Variants in WWOX observed in about 807,000 individuals in gnomAD.
WWOX encodes WW domain-containing oxidoreductase.
In WWOX, 69 loss-of-function variants were observed where a neutral mutation model predicts 46.2. That is an observed-to-expected ratio of 1.49 (90% confidence interval 1.23 to 1.82). The LOEUF is 1.82. Among genes scored for constraint, WWOX ranks in the 40% most tolerant of loss-of-function variants. WWOX has a pLI of 0.00. For synonymous variants in WWOX, 359 were observed against 202.6 expected, an observed-to-expected ratio of 1.77 and a Z score of -6.56; for missense variants, 919 against 542.6, an observed-to-expected ratio of 1.69 and a Z score of -6.89.
rs151317302 is a variant in WWOX at position 78,537,144 on chromosome 16, T to A, written c.1056+104392T>A. On this transcript the variant is annotated intron_variant, in intron 8 of 8. Coordinates refer to ENST00000566780, the MANE Select transcript of WWOX (RefSeq NM_016373.4). ...GTTGTCCAGGCTGGTCTTGAACACCTGACCTCAGGTGATCTGCCTGCCTCA... is the reference window on the plus strand; with the variant it reads ...GTTGTCCAGGCTGGTCTTGAACACCAGACCTCAGGTGATCTGCCTGCCTCA... Among the ~76,000 whole-genome samples the A allele has an allele frequency of 5.1e-3, 776 of 152,186 alleles. 4 individuals are homozygous for A. The highest frequency in any genetic ancestry group is 8.2e-3 in the Non-Finnish European group (561 of 68,002).
intron 8 of WWOX, among the ~76,000 whole-genome samples, chr16:78,540,847 C>G (rs559273828): frequency 1.7e-3 from 252 of 152,252 alleles, no homozygotes; most frequent in African/African-American, 5.7e-3. Flanking sequence ...CCATGCCAGG[C>G]TAATGTTTAA....
intron 5 of WWOX, among the ~76,000 whole-genome samples, chr16:78,301,792 G>C (rs1366160817): frequency 6.6e-6 from 1 of 152,036 alleles, no homozygotes; most frequent in Admixed American, 6.6e-5. Flanking sequence ...CAGACACACC[G>C]CCAGGCCTCA....
At position 78,826,072 on chromosome 16, in the gene WWOX, T is replaced by C. The variant is rs118079925; in HGVS notation, c.1057-385536T>C. 1,637 of 391,446 alleles carry C rather than the reference T, an allele frequency of 4.2e-3. 10 individuals are homozygous for C. The highest frequency in any genetic ancestry group is 6.0e-3 in the Non-Finnish European group (1,305 of 217,230). The allele number at this position is 391,446 out of a possible 1,614,324, so 24.2% of individuals were successfully genotyped here. Reference sequence around the variant, plus strand: ...CTTTGTAAAGACATTTAATAAAATATTGTACAAAGACAACCGGGAATGCCT... The same window carrying C: ...CTTTGTAAAGACATTTAATAAAATACTGTACAAAGACAACCGGGAATGCCT... On this transcript the variant is annotated intron_variant, in intron 8 of 8. Transcript: ENST00000566780.
At chr16:78,752,015 G>T (rs1049778539) in intron 8 of WWOX, among the ~76,000 whole-genome samples, 4 of 152,114 alleles carry the variant, frequency 2.6e-5, no homozygotes, top group African/African-American at 9.7e-5. Context: ...AAATAAGGAG[G>T]AGGATGAGGA....
intron 8 of WWOX, among the ~76,000 whole-genome samples, chr16:79,163,569 G>T (rs546806284): frequency 6.6e-6 from 1 of 152,192 alleles, no homozygotes; most frequent in South Asian, 2.1e-4. Context: ...GAGGCCGAAG[G>T]GGGTGGATCA....
chr16:78,191,815 C>T (rs546729854), intron 5 of WWOX, among the ~76,000 whole-genome samples: 5 of 152,264 alleles, frequency 3.3e-5, no homozygotes, highest in Non-Finnish European at 5.9e-5. Flanking sequence ...TAGAACAGTT[C>T]TCAGAATTTA....
rs886653809 is a variant in WWOX, at chr16:78,803,004, C to A, written c.1056+370252C>A. Among the ~76,000 whole-genome samples, 3 of 144,954 alleles carry A rather than the reference C, an allele frequency of 2.1e-5. 1 individual carries two copies. On this transcript the variant is annotated intron_variant, in intron 8 of 8. Coordinates refer to ENST00000566780, the MANE Select transcript of WWOX (RefSeq NM_016373.4). ...AGATGAAATGATTTTCATCACCAGG[C>A]CTGCCATGGAATTCATGGTGCCTTG...
At chr16:78,604,965 CTTCCTTTCT>C (rs1790159193) in intron 8 of WWOX, among the ~76,000 whole-genome samples, 1 of 54,096 alleles carries the variant, frequency 1.8e-5, no homozygotes, top group Admixed American at 2.1e-4. Flanking sequence ...CCTTTCTTTC[CTTCCTTTCT>C]TTCCTTCCTC....
At chr16:78,838,375 G>A (rs2052048331) in intron 8 of WWOX, among the ~76,000 whole-genome samples, 1 of 152,128 alleles carries the variant, frequency 6.6e-6, no homozygotes, top group East Asian at 1.9e-4. Flanking sequence ...TTGATTCTTA[G>A]AGAACTAAAG....
rs946644487 is a variant in WWOX at position 78,946,067 on chromosome 16, G to A, written c.1057-265541G>A. 1.4e-4 allele frequency among the ~76,000 whole-genome samples: 22 copies of A among 152,234 alleles called. No homozygotes were observed. In the East Asian group the frequency reaches 1.5e-3, roughly 11 times the overall value. On this transcript the variant is annotated intron_variant, in intron 8 of 8. Transcript: ENST00000566780. ...AAGCTGTGCTCTAGAAACATACCACGATCTACTGGACTTTCTTAAATAAGG... is the reference window on the plus strand; with the variant it reads ...AAGCTGTGCTCTAGAAACATACCACAATCTACTGGACTTTCTTAAATAAGG...
At chr16:78,142,246 T>G (rs1385501203) in intron 4 of WWOX, among the ~76,000 whole-genome samples, 2 of 152,166 alleles carry the variant, frequency 1.3e-5, no homozygotes, top group Non-Finnish European at 2.9e-5. Context: ...TTCAACAGCT[T>G]TTTAAAAAGC....
intron 8 of WWOX, among the ~76,000 whole-genome samples, chr16:79,076,690 C>T (rs937777718): frequency 3.3e-5 from 5 of 152,222 alleles, no homozygotes; most frequent in East Asian, 1.9e-4. Flanking sequence ...GATCGAACTT[C>T]GTCTTTAGCC....
intron 7 of WWOX, among the ~76,000 whole-genome samples, chr16:78,430,254 T>C (rs993441395): frequency 6.6e-6 from 1 of 152,166 alleles, no homozygotes; most frequent in African/African-American, 2.4e-5. Flanking sequence ...AGCACCCCCA[T>C]GATTCACTTA....
Position 79,211,588 on chromosome 16 carries a change from CTTTCTTCT to C in WWOX, c.1057-18_1057-11del, listed in dbSNP as rs762660416. The stretch of plus-strand genomic sequence containing the variant: ...TCCTTTTCTTAAAATTTTTTTTTGT[CTTTCTTCT>C]TGGATTTCCAGCAACAGGGAGCTGC... On this transcript the variant is annotated splice_polypyrimidine_tract_variant and intron_variant, in intron 8 of 8. Coordinates refer to ENST00000566780, the MANE Select transcript of WWOX (RefSeq NM_016373.4). 3 of 1,613,736 alleles carry C rather than the reference CTTTCTTCT, an allele frequency of 1.9e-6. No homozygotes were observed. In the East Asian group the frequency reaches 6.7e-5, roughly 36 times the overall value.
At chr16:78,521,573 C>T (rs1163822961) in intron 8 of WWOX, among the ~76,000 whole-genome samples, 1 of 152,154 alleles carries the variant, frequency 6.6e-6, no homozygotes, top group Middle Eastern at 3.2e-3. Context: ...ACAGGGTTGT[C>T]ATGCAAGTTG....
chr16:79,109,606 T>G (rs1217833615), intron 8 of WWOX, among the ~76,000 whole-genome samples: 1 of 152,216 alleles, frequency 6.6e-6, no homozygotes, highest in Non-Finnish European at 1.5e-5. Context: ...TTGTTCATTT[T>G]TAATTTATTT....
intron 8 of WWOX, among the ~76,000 whole-genome samples, chr16:78,686,156 G>T (rs60665673): frequency 0.32 from 48,014 of 151,776 alleles, 9,076 homozygotes; most frequent in Admixed American, 0.48. Flanking sequence ...ATCCTTCTTT[G>T]GCTATAGGAA....
intron 8 of WWOX, among the ~76,000 whole-genome samples, chr16:78,757,490 G>T (rs973000102): frequency 6.6e-6 from 1 of 152,122 alleles, no homozygotes; most frequent in Non-Finnish European, 1.5e-5. Flanking sequence ...GACCCTGGCT[G>T]CATGAGCTTG....
chr16:78,117,681 C>G (rs1017725625), intron 4 of WWOX, among the ~76,000 whole-genome samples: 2 of 152,126 alleles, frequency 1.3e-5, no homozygotes, highest in African/African-American at 4.8e-5. Flanking sequence ...TTATAAATTG[C>G]TATCACTACT....
Sources: allele counts gnomAD v4.1 joint callset (sites outside exome capture counted in the v4.1 genomes callset), GRCh38; gene constraint gnomAD v4.1.1; transcripts MANE v1.5; gene names NCBI Gene and HGNC (gene_info 2026-07-23, HGNC 2026-07-21).